Variants in VTI1B observed in about 807,000 individuals in gnomAD.
VTI1B encodes vesicle transport through interaction with t-SNAREs homolog 1B.
A neutral mutation model predicts 28.6 loss-of-function variants in VTI1B; 18 were observed. The observed-to-expected ratio is 0.63, with a 90% confidence interval of 0.43 to 0.93. The LOEUF (loss-of-function observed/expected upper bound fraction) is 0.93. VTI1B is among the 40% of genes least tolerant of loss of function. The pLI, the probability that VTI1B is intolerant of heterozygous loss-of-function variation, is 0.00. For missense variants in VTI1B, 283 were observed against 297.0 expected (o/e 0.95, Z 0.35); for synonymous variants, 100 against 107.9 (o/e 0.93, Z 0.46).
intron 1 of VTI1B, among the ~76,000 whole-genome samples, chr14:67,668,256 T>C (rs1419854187): frequency 6.6e-6 from 1 of 152,220 alleles, no homozygotes; most frequent in Non-Finnish European, 1.5e-5. Context: ...TAGCACATTA[T>C]AGTACTCTGA....
intron 1 of VTI1B, among the ~76,000 whole-genome samples, chr14:67,665,884 T>C (rs965804006): frequency 6.6e-6 from 1 of 152,200 alleles, no homozygotes; most frequent in South Asian, 2.1e-4. Context: ...AGGTTCACCA[T>C]GGCAAATGGT....
At chr14:67,663,595 A>C (rs563637372) in intron 1 of VTI1B, among the ~76,000 whole-genome samples, 127 of 152,218 alleles carry the variant, frequency 8.3e-4, no homozygotes, top group Middle Eastern at 6.8e-3. Flanking sequence ...AATGGTGTGA[A>C]CCCAGGAGGC....
In VTI1B at chr14:67,661,861, A is replaced by G. The variant is rs1303217503; in HGVS notation, c.174+616T>C. Among the ~76,000 whole-genome samples, 3 of 152,228 alleles carry G rather than the reference A, an allele frequency of 2.0e-5. No individual in the cohort carries two copies. The East Asian group carries it at 5.8e-4, about 29-fold the overall frequency. On this transcript the variant is annotated intron_variant, in intron 2 of 5. Coordinates refer to ENST00000554659, the MANE Select transcript of VTI1B (RefSeq NM_006370.3). Reference sequence around the variant, plus strand: ...AACCTATCTTAATGGCCAGCTCTTAAAAACAGATTTTAGGCCAGGCACGGT... The same window carrying G: ...AACCTATCTTAATGGCCAGCTCTTAGAAACAGATTTTAGGCCAGGCACGGT...
chr14:67,651,950 A>G (rs1353362634), intron 5 of VTI1B, among the ~76,000 whole-genome samples: 1 of 152,088 alleles, frequency 6.6e-6, no homozygotes, highest in Non-Finnish European at 1.5e-5. Flanking sequence ...GTAGTATAGG[A>G]GCTTAAAAAT....
At chr14:67,672,084 C>A (rs1387237346) in intron 1 of VTI1B, among the ~76,000 whole-genome samples, 2 of 151,704 alleles carry the variant, frequency 1.3e-5, no homozygotes, top group Non-Finnish European at 1.5e-5. Context: ...ATGGGCATTG[C>A]AAAAATTAAT....
chr14:67,662,102 G>A (rs2037343684), intron 2 of VTI1B, among the ~76,000 whole-genome samples: 1 of 151,880 alleles, frequency 6.6e-6, no homozygotes, highest in Non-Finnish European at 1.5e-5. Flanking sequence ...CTTGCAGTGA[G>A]CCGAGACTGT....
chr14:67,661,278 C>CAAAAAAAA (rs1208811725), intron 2 of VTI1B, among the ~76,000 whole-genome samples: 6 of 56,526 alleles, frequency 1.1e-4, no homozygotes, highest in African/African-American at 2.5e-4. Flanking sequence ...AGGGCTAGAG[C>CAAAAAAAA]AAAAAAAAAA....
intron 5 of VTI1B, among the ~76,000 whole-genome samples, chr14:67,652,789 A>C (rs1466267232): frequency 2.0e-5 from 3 of 152,190 alleles, no homozygotes; most frequent in Non-Finnish European, 1.5e-5. Context: ...TCAAGATTTT[A>C]CAAATATATT....
In VTI1B at chr14:67,662,629, G is replaced by A. The variant is rs898443474; in HGVS notation, c.116-94C>T. 64 of 1,133,466 alleles carry A rather than the reference G, an allele frequency of 5.6e-5. No individual in the cohort carries two copies. In the East Asian group the frequency reaches 1.6e-3, roughly 28 times the overall value. 70.2% of individuals were successfully genotyped at this position (1,133,466 alleles called of 1,614,324 possible). ...GCTTCGAATAAGCTTCCTATGGCAG[G>A]GCCTGGTGGCTCATGCCTGTAATCC... On this transcript the variant is annotated intron_variant, in intron 1 of 5. Coordinates refer to ENST00000554659, the MANE Select transcript of VTI1B (RefSeq NM_006370.3).
intron 1 of VTI1B, chr14:67,663,226 A>G (rs1209040571): frequency 7.3e-7 from 1 of 1,374,038 alleles, no homozygotes. Context: ...CAGCTTCAAA[A>G]CAAACATCTA....
rs780609963 is a variant in VTI1B, at chr14:67,656,348, C to T, written c.540+68G>A. On this transcript the variant is annotated intron_variant, in intron 4 of 5. Transcript: ENST00000554659. ...ACTGCTGTAGCTTTTGGCCTTAGTA[C>T]GGTTTCCAGGTGCAGTGGCCCCCTA... 69 of 1,426,926 alleles carry T rather than the reference C, an allele frequency of 4.8e-5. No individual in the cohort carries two copies. In the Middle Eastern group the frequency reaches 8.0e-4, roughly 17 times the overall value. The allele number at this position is 1,426,926 out of a possible 1,614,324, so 88.4% of individuals were successfully genotyped here.
chr14:67,672,084 C>CA (rs2140036684), intron 1 of VTI1B, among the ~76,000 whole-genome samples: 1 of 151,704 alleles, frequency 6.6e-6, no homozygotes, highest in East Asian at 1.9e-4. Context: ...ATGGGCATTG[C>CA]AAAAATTAAT....
In VTI1B at chr14:67,673,496, T is replaced by C. The variant is rs556468908; in HGVS notation, c.115+879A>G. On this transcript the variant is annotated intron_variant, in intron 1 of 5. Transcript: ENST00000554659. ...TAGAATGGGGATGTTCGTATCTTTT[T>C]CACTGTAATTTGCAATATTCACCAG... Among the ~76,000 whole-genome samples, 1,039 of 152,358 alleles carry C rather than the reference T, an allele frequency of 6.8e-3. 9 individuals carry two copies. Among genetic ancestry groups the C allele is most frequent in the Non-Finnish European group, 7.9e-3 (535 of 68,042 alleles).
chr14:67,669,739 G>A (rs1023136667), intron 1 of VTI1B, among the ~76,000 whole-genome samples: 1 of 152,030 alleles, frequency 6.6e-6, no homozygotes, highest in African/African-American at 2.4e-5. Flanking sequence ...GTGAAAAAAT[G>A]CAGACACCCT....
At chr14:67,660,442 G>T (rs1337681848) in intron 2 of VTI1B, among the ~76,000 whole-genome samples, 3 of 152,086 alleles carry the variant, frequency 2.0e-5, no homozygotes, top group African/African-American at 7.2e-5. Flanking sequence ...AAGGAGTCAG[G>T]ATTCAAAATC....
chr14:67,657,591 C>T (rs867723746), intron 3 of VTI1B, among the ~76,000 whole-genome samples: 4 of 137,594 alleles, frequency 2.9e-5, no homozygotes, highest in African/African-American at 5.8e-5. Flanking sequence ...AAAGCACGCG[C>T]GCGCGTGCAC....
In VTI1B at chr14:67,650,999, G is replaced by A; in HGVS notation, c.*386C>T. 1.5e-6 allele frequency: 2 copies of A among 1,373,170 alleles called. No homozygotes were observed. Among genetic ancestry groups the A allele is most frequent in the Admixed American group, 3.7e-5 (2 of 54,058 alleles). The allele number at this position is 1,373,170 out of a possible 1,614,324, so 85.1% of individuals were successfully genotyped here. ...TTGAGGGGATAGATGAATACTAAAT[G>A]GTTGTCTGGGTCAATACTGCCTTAA... On this transcript the variant is annotated 3_prime_UTR_variant, in exon 6 of 6. Coordinates refer to ENST00000554659, the MANE Select transcript of VTI1B (RefSeq NM_006370.3).
chr14:67,673,047 T>C (rs945625516), intron 1 of VTI1B, among the ~76,000 whole-genome samples: 1 of 152,254 alleles, frequency 6.6e-6, no homozygotes, highest in African/African-American at 2.4e-5. Context: ...TTTAAGTCTC[T>C]GTTCAAACGC....
At chr14:67,671,104 C>T (rs2037459787) in intron 1 of VTI1B, among the ~76,000 whole-genome samples, 2 of 152,146 alleles carry the variant, frequency 1.3e-5, no homozygotes, top group South Asian at 4.1e-4. Flanking sequence ...ATTCAACAAA[C>T]ATTTATTGAG....
Sources: gnomAD v4.1 joint callset for allele counts (sites outside exome capture counted in the v4.1 genomes callset) on GRCh38, gnomAD v4.1.1 for gene constraint, MANE v1.5 for transcripts, NCBI Gene and HGNC (gene_info 2026-07-23, HGNC 2026-07-21) for gene names.